Variants in LRP1B observed in about 807,000 individuals in gnomAD.
LRP1B encodes LDL receptor related protein 1B, also known as low-density lipoprotein receptor-related protein 1B.
Under a neutral mutation model 556.6 loss-of-function variants are expected in LRP1B, and 217 were observed. The ratio of observed to expected loss-of-function variants is 0.39; its 90% CI spans 0.35 to 0.44. The LOEUF (loss-of-function observed/expected upper bound fraction) is 0.44. Among genes scored for constraint, LRP1B ranks in the 20% least tolerant of loss-of-function variants. The pLI is 1.00. For synonymous variants in LRP1B, 2,047 were observed against 1,865.8 expected (o/e 1.10, Z -2.50); for missense variants, 5,053 against 5,620.8 (o/e 0.90, Z 3.23).
At chr2:140,554,414 G>C (rs1187612490) in intron 43 of LRP1B, among the ~76,000 whole-genome samples, 1 of 152,082 alleles carries the variant, frequency 6.6e-6, no homozygotes. Context: ...AAGCTGATTT[G>C]TGTCAATGAA....
At chr2:141,627,632 T>C (rs1039269314) in intron 2 of LRP1B, among the ~76,000 whole-genome samples, 10 of 152,128 alleles carry the variant, frequency 6.6e-5, no homozygotes, top group African/African-American at 2.2e-4. Context: ...TGATGATAAA[T>C]ATAATGCGTT....
chr2:141,512,440 A>T (rs1051754228), intron 2 of LRP1B, among the ~76,000 whole-genome samples: 1 of 152,058 alleles, frequency 6.6e-6, no homozygotes, highest in African/African-American at 2.4e-5. Flanking sequence ...TTCTAAAAAT[A>T]TTTACTCCAG....
intron 1 of LRP1B, among the ~76,000 whole-genome samples, chr2:141,891,000 C>A (rs374964737): frequency 1.3e-5 from 2 of 152,222 alleles, no homozygotes; most frequent in South Asian, 2.1e-4. Context: ...GTCTAAGCAG[C>A]CATTTAAAAG....
intron 41 of LRP1B, among the ~76,000 whole-genome samples, chr2:140,675,400 A>C (rs762470940): frequency 1.3e-5 from 2 of 152,224 alleles, no homozygotes; most frequent in Non-Finnish European, 2.9e-5. Flanking sequence ...AAAAAGAATA[A>C]GTGAATAATT....
intron 86 of LRP1B, among the ~76,000 whole-genome samples, chr2:140,251,105 A>C (rs1681394026): frequency 6.6e-6 from 1 of 151,744 alleles, no homozygotes; most frequent in Non-Finnish European, 1.5e-5. Flanking sequence ...GTTTTGTTTC[A>C]ATTATAATTT....
chr2:140,725,831 A>G (rs1687575455), intron 35 of LRP1B, among the ~76,000 whole-genome samples: 2 of 151,858 alleles, frequency 1.3e-5, no homozygotes, highest in African/African-American at 4.8e-5. Context: ...CTTCATCTCA[A>G]TTTATCATTT....
At chr2:141,935,264 T>C (rs896927863) in intron 1 of LRP1B, among the ~76,000 whole-genome samples, 1 of 152,048 alleles carries the variant, frequency 6.6e-6, no homozygotes, top group Non-Finnish European at 1.5e-5. Flanking sequence ...CAATAAGCAT[T>C]GAAAATAATT....
At position 140,850,300 on chromosome 2, in the gene LRP1B, G is replaced by A. The variant is rs1035316456; in HGVS notation, c.4741C>T (p.Arg1581Cys). 1.2e-6 allele frequency: 2 copies of A among 1,604,620 alleles called. No individual in the cohort carries two copies. The highest frequency in any genetic ancestry group is 8.5e-7 in the Non-Finnish European group (1 of 1,175,454). ...EMKKFLLYAR[R>C]SEIRGVDIDN... ...ATATCCACTCCTCTGATTTCAGAAC[G>A]TCTTGCATAAAGAAGAAATTTTTTC... The change falls in exon 29 of 91, where the codon CGT (arginine) becomes TGT (cysteine). Residue 1581 changes from arginine (R) to cysteine (C), a missense_variant. Arg to Cys is a radical substitution (Grantham distance 180). Coordinates refer to ENST00000389484, the MANE Select transcript of LRP1B (RefSeq NM_018557.3).
At chr2:140,689,911 C>T (rs575856611) in intron 41 of LRP1B, among the ~76,000 whole-genome samples, 32 of 152,250 alleles carry the variant, frequency 2.1e-4, no homozygotes, top group Non-Finnish European at 4.0e-4. Flanking sequence ...CTGGGGCAGT[C>T]TCCCAAGCCT....
intron 1 of LRP1B, among the ~76,000 whole-genome samples, chr2:142,001,282 C>T (rs1702645443): frequency 6.6e-6 from 1 of 152,170 alleles, no homozygotes; most frequent in African/African-American, 2.4e-5. Flanking sequence ...CTGGTAGATA[C>T]ATCTGCTTAA....
intron 1 of LRP1B, among the ~76,000 whole-genome samples, chr2:141,973,111 C>T (rs1007881766): frequency 6.6e-6 from 1 of 150,752 alleles, no homozygotes; most frequent in Admixed American, 6.6e-5. Context: ...GCTGAAATAA[C>T]AAATTTATTT....
At chr2:141,718,546 G>T (rs1364066409) in intron 2 of LRP1B, among the ~76,000 whole-genome samples, 1 of 152,052 alleles carries the variant, frequency 6.6e-6, no homozygotes, top group African/African-American at 2.4e-5. Flanking sequence ...GTACTTAATG[G>T]CATTTATTGA....
chr2:141,185,052 G>A (rs981449739), intron 7 of LRP1B, among the ~76,000 whole-genome samples: 6 of 152,012 alleles, frequency 3.9e-5, no homozygotes, highest in South Asian at 2.1e-4. Flanking sequence ...TATCACAAGT[G>A]TTGAAAATAT....
intron 7 of LRP1B, among the ~76,000 whole-genome samples, chr2:141,085,289 G>T (rs1034178332): frequency 2.0e-5 from 3 of 152,176 alleles, no homozygotes; most frequent in African/African-American, 7.2e-5. Flanking sequence ...GTTTTATAAT[G>T]TAACCTCTTA....
chr2:141,291,773 G>A (rs571697579), intron 3 of LRP1B, among the ~76,000 whole-genome samples: 16 of 147,850 alleles, frequency 1.1e-4, no homozygotes, highest in Admixed American at 6.2e-4. Context: ...GGAGAATGGC[G>A]TGAACCCGGG....
chr2:141,123,957 TGTTA>T (rs879367755), intron 7 of LRP1B, among the ~76,000 whole-genome samples: 3 of 148,556 alleles, frequency 2.0e-5, no homozygotes, highest in African/African-American at 7.9e-5. Context: ...TAGAGTAAAT[TGTTA>T]GTTATTTTTT....
intron 41 of LRP1B, among the ~76,000 whole-genome samples, chr2:140,605,594 T>C (rs1367940310): frequency 6.6e-6 from 1 of 151,904 alleles, no homozygotes; most frequent in African/African-American, 2.4e-5. Flanking sequence ...CTCTTTTTAT[T>C]TCTCTTTCTT....
At chr2:140,950,043 T>C (rs1036732275) in intron 20 of LRP1B, among the ~76,000 whole-genome samples, 192 bp downstream of exon 20, 1 of 150,934 alleles carries the variant, frequency 6.6e-6, no homozygotes, top group African/African-American at 2.4e-5. Context: ...AAGGAGGTAT[T>C]GAGAGGAGAA....
chr2:142,033,713 G>A (rs1156734065), intron 1 of LRP1B, among the ~76,000 whole-genome samples: 1 of 151,702 alleles, frequency 6.6e-6, no homozygotes, highest in African/African-American at 2.4e-5. Context: ...ACTCTTTGAG[G>A]ACACTCAAGA....
Sources: gnomAD v4.1 joint callset for allele counts (sites outside exome capture counted in the v4.1 genomes callset) on GRCh38, gnomAD v4.1.1 for gene constraint, MANE v1.5 for transcripts, NCBI Gene and HGNC (gene_info 2026-07-23, HGNC 2026-07-21) for gene names.